The following ZNF692 variants were observed in gnomAD, a reference collection of about 807,000 sequenced individuals.
ZNF692 encodes AICAR responsive element binding protein.
In ZNF692, 41 loss-of-function variants were observed where a neutral mutation model predicts 49.0. The observed-to-expected ratio is 0.84, with a 90% CI of 0.65 to 1.08. The LOEUF is 1.08. Among genes scored for constraint, ZNF692 ranks in the 50% least tolerant of loss-of-function variants. The pLI is 0.00. For missense variants in ZNF692, 662 were observed against 662.2 expected (o/e 1.00, Z 0.00); for synonymous variants, 288 against 251.5 (o/e 1.15, Z -1.37).
Position 248,858,286 on chromosome 1 carries a change from G to A in ZNF692, c.24C>T (p.Asp8=), listed in dbSNP as rs1281623897. 2 of 1,573,652 alleles carry A rather than the reference G, an allele frequency of 1.3e-6. No homozygotes were observed. The highest frequency in any genetic ancestry group is 1.8e-5 in the Admixed American group (1 of 56,080). Residue 8 remains aspartate (D), a synonymous_variant, in exon 2 of 12, where the codon GAC becomes GAT. Transcript: ENST00000306601. This position sits in a 1 kb window ranked among gnomAD's most constrained non-coding sequence, Gnocchi z 4.3. ...GCTTCTCCCGCCGCCTGCAGGACAC[G>A]TCCACCGCCGGGGAGGAAGCCATGT... MASSPAV[D]VSCRRREKRR...
chr1:248,853,079 G>C (rs958606684), intron 10 of ZNF692, among the ~76,000 whole-genome samples: 1 of 152,090 alleles, frequency 6.6e-6, no homozygotes, highest in Admixed American at 6.6e-5. Flanking sequence ...GCTGAGGCTG[G>C]AATCCTCCAA....
Position 248,858,587 on chromosome 1 carries a change from A to G in ZNF692, c.-12-266T>C. 2 of 1,543,968 alleles carry G rather than the reference A, an allele frequency of 1.3e-6. No individual in the cohort carries two copies. Among genetic ancestry groups the G allele is most frequent in the Non-Finnish European group, 1.8e-6 (2 of 1,140,046 alleles). ...AAGGCCTGCGCCCTCCAGTCCACTGAAGTGGAGCTGTGGGGAAGGGGCGAG... is the reference window on the plus strand; with the variant it reads ...AAGGCCTGCGCCCTCCAGTCCACTGGAGTGGAGCTGTGGGGAAGGGGCGAG... On this transcript the variant is annotated intron_variant, in intron 1 of 11. Transcript: ENST00000306601. The surrounding 1 kb of genome is among the most constrained non-coding windows in gnomAD (Gnocchi z 4.3).
Position 248,850,378 on chromosome 1 carries a change from T to C in ZNF692, c.1392A>G (p.Ala464=). ...CTGGGTGACTTTTGCTACGGTGGGC[T>C]GCAACACTGTCTGGCTTCTCAAAGC... ...GKRFEKPDSV[A]AHRSKSHPAL... is the part of the protein sequence containing the mutation. The change falls in exon 12 of 12, where the codon GCA becomes GCG. Residue 464 remains alanine, a synonymous_variant. Coordinates refer to ENST00000306601, the MANE Select transcript of ZNF692 (RefSeq NM_017865.4). 1 of 1,614,124 alleles carries C rather than the reference T, an allele frequency of 6.2e-7. No individual in the cohort carries two copies. Among genetic ancestry groups the C allele is most frequent in the South Asian group, 1.1e-5 (1 of 91,090 alleles).
intron 6 of ZNF692, 55 bp downstream of exon 6, chr1:248,856,233 C>T: frequency 4.6e-6 from 7 of 1,533,908 alleles, no homozygotes; most frequent in Non-Finnish European, 6.1e-6. Flanking sequence ...CATGAACTGC[C>T]AGGCCAGCTG....
rs929320778 is a variant in ZNF692 at position 248,858,959 on chromosome 1, C to T, written c.-54G>A. 5.2e-6 allele frequency: 1 copy of T among 191,158 alleles called. No individual in the cohort carries two copies. Among genetic ancestry groups the T allele is most frequent in the Non-Finnish European group, 1.1e-5 (1 of 90,448 alleles). 11.8% of individuals were successfully genotyped at this position (191,158 alleles called of 1,614,324 possible). A position where few individuals can be genotyped will look rare whatever the true frequency, so the allele number is the denominator to read the frequency against. On this transcript the variant is annotated 5_prime_UTR_variant, in exon 1 of 12. Coordinates refer to ENST00000306601, the MANE Select transcript of ZNF692 (RefSeq NM_017865.4). This position sits in a 1 kb window ranked among gnomAD's most constrained non-coding sequence, Gnocchi z 4.3. ...GCCCTCACCCCCACTGCGCCTGCGC[C>T]TGCGCCTCCCGGGCCTAGCGAGCAG... is the stretch of plus-strand genomic sequence containing the variant.
Position 248,856,359 on chromosome 1 carries a change from C to G in ZNF692, c.588G>C (p.Glu196Asp). The change falls in exon 6 of 12, where the codon GAG becomes GAC. Residue 196 changes from glutamate (E) to aspartate (D), a missense_variant. Coordinates refer to ENST00000306601, the MANE Select transcript of ZNF692 (RefSeq NM_017865.4). Reference sequence around the variant, plus strand: ...TCTCCTCTTCATCCTCATCATTGTCCTCTTCTTCCTCACCCTCTTCCTCTC... The same window carrying G: ...TCTCCTCTTCATCCTCATCATTGTCGTCTTCTTCCTCACCCTCTTCCTCTC... ...PPGEEEGEEE[E>D]DNDEDEEEML... 1 of 1,612,338 alleles carries G rather than the reference C, an allele frequency of 6.2e-7. No individual in the cohort carries two copies. Among genetic ancestry groups the G allele is most frequent in the Non-Finnish European group, 8.5e-7 (1 of 1,178,958 alleles).
In ZNF692 at chr1:248,850,206, G is replaced by C. The variant is rs199725332; in HGVS notation, c.*4C>G. ...GCTTCCCAAAGCCAAAGCTGGAGGA[G>C]AGCTCATTGCTGAGGAAGCAGGGTT... On this transcript the variant is annotated 3_prime_UTR_variant, in exon 12 of 12. Transcript: ENST00000306601. The C allele has an allele frequency of 9.9e-6, 15 of 1,515,500 alleles. No homozygotes were observed. In the Admixed American group the frequency reaches 1.6e-4, roughly 16 times the overall value. 93.9% of individuals were successfully genotyped at this position (1,515,500 alleles called of 1,614,324 possible). A position where few individuals can be genotyped will look rare whatever the true frequency, so the allele number is the denominator to read the frequency against.
At chr1:248,854,078 G>T in intron 9 of ZNF692, 27 bp from the exon 10 acceptor site, 1 of 1,573,552 alleles carries the variant, frequency 6.4e-7, no homozygotes, top group Non-Finnish European at 8.7e-7. Flanking sequence ...GTGGTAGGGA[G>T]AGAAGAGGCA....
rs770117226 is a variant in ZNF692 at position 248,858,164 on chromosome 1, A to G, written c.146T>C (p.Leu49Pro). The change falls in exon 2 of 12, where the codon CTG (leucine) becomes CCG (proline). Residue 49 changes from leucine to proline, a missense_variant. Transcript: ENST00000306601. The surrounding 1 kb of genome is among the most constrained non-coding windows in gnomAD (Gnocchi z 4.3). ...CAGGAACTTGGCGAGCTGCGAGTGC[A>G]GGGAGAAGCCCAGCCGCTCCTTGAG... Reference protein sequence around the residue: ...CLLKERLGFSLHSQLAKFLLD... With the variant: ...CLLKERLGFSPHSQLAKFLLD... The G allele has an allele frequency of 3.4e-5, 54 of 1,573,002 alleles. 1 individual carries two copies. Among genetic ancestry groups the G allele is most frequent in the Non-Finnish European group, 2.4e-5 (28 of 1,160,720 alleles).
At position 248,854,000 on chromosome 1, in the gene ZNF692, G is replaced by C. The variant is rs1160662784; in HGVS notation, c.1090C>G (p.Pro364Ala). Residue 364 changes from proline (P) to alanine (A), a missense_variant, in exon 10 of 12, where the codon CCA (proline) becomes GCA (alanine). Transcript: ENST00000306601. ...AAGTTGAAAGACTTCCCACAGGCTG[G>C]CTCTGGGCAGGAGAAAGACTTCTGG... is the stretch of plus-strand genomic sequence containing the variant. Reference protein sequence around the residue: ...IHQKSFSCPEPACGKSFNFKK... With the variant: ...IHQKSFSCPEAACGKSFNFKK... 2 of 1,614,220 alleles carry C rather than the reference G, an allele frequency of 1.2e-6. No individual in the cohort carries two copies. The highest frequency in any genetic ancestry group is 4.5e-5 in the East Asian group (2 of 44,878).
At chr1:248,852,713 A>G (rs1659739004) in intron 10 of ZNF692, among the ~76,000 whole-genome samples, 1 of 152,028 alleles carries the variant, frequency 6.6e-6, no homozygotes, top group Admixed American at 6.5e-5. Flanking sequence ...CTCAGCTCAC[A>G]TTTGGCCTGT....
At chr1:248,852,831 G>A (rs1659754431) in intron 10 of ZNF692, among the ~76,000 whole-genome samples, 1 of 152,038 alleles carries the variant, frequency 6.6e-6, no homozygotes, top group South Asian at 2.1e-4. Flanking sequence ...GCCCTCTGAT[G>A]GCTAGAGTGC....
Position 248,858,074 on chromosome 1 carries a change from G to A in ZNF692, c.179+57C>T. ...GAGCAGCAGGACAGGCCCTGGAGAG[G>A]AGGCTAGGGGCTGCTGCCTGGGTAC... On this transcript the variant is annotated intron_variant, in intron 2 of 11. Coordinates refer to ENST00000306601, the MANE Select transcript of ZNF692 (RefSeq NM_017865.4). This position sits in a 1 kb window ranked among gnomAD's most constrained non-coding sequence, Gnocchi z 4.3. The A allele has an allele frequency of 1.3e-6, 2 of 1,550,086 alleles. No homozygotes were observed. Among genetic ancestry groups the A allele is most frequent in the Non-Finnish European group, 1.7e-6 (2 of 1,152,358 alleles).
Position 248,850,074 on chromosome 1 carries a change from T to C in ZNF692, c.*136A>G. 1 of 951,178 alleles carries C rather than the reference T, an allele frequency of 1.1e-6. No individual in the cohort carries two copies. The allele number at this position is 951,178 out of a possible 1,614,324, so 58.9% of individuals were successfully genotyped here. A position where few individuals can be genotyped will look rare whatever the true frequency, so the allele number is the denominator to read the frequency against. ...GTAGTCCAGCTCCCCTACAGCCCAG[T>C]CTTGCCCCCACCCTGCACTCTGTCG... On this transcript the variant is annotated 3_prime_UTR_variant, in exon 12 of 12. Coordinates refer to ENST00000306601, the MANE Select transcript of ZNF692 (RefSeq NM_017865.4).
In ZNF692 at chr1:248,855,561, A is replaced by T; in HGVS notation, c.956T>A (p.Ile319Asn). 6.2e-7 allele frequency: 1 copy of T among 1,614,066 alleles called. No homozygotes were observed. The highest frequency in any genetic ancestry group is 1.1e-5 in the South Asian group (1 of 91,074). The part of the protein sequence containing the change: ...EDTAQIGPKR[I>N]RKAAKRELMP... ...ACCCCATCTCCCTAAGTCCTACCTA[A>T]TTCTCTTGGGGCCAATTTGTGCAGT... The change falls in exon 8 of 12, where the codon ATT (isoleucine) becomes AAT (asparagine). Residue 319 changes from isoleucine to asparagine, a missense_variant. By Grantham distance (149) the Ile-to-Asn change is moderately radical. Transcript: ENST00000306601.
At chr1:248,850,878 T>C (rs752287761) in intron 10 of ZNF692, 97 bp from the exon 11 acceptor site, 1 of 1,081,284 alleles carries the variant, frequency 9.2e-7, no homozygotes, top group Non-Finnish European at 1.4e-6. Flanking sequence ...TGCACCGTAT[T>C]GGAGGTCAGG....
At chr1:248,850,559 C>T in intron 11 of ZNF692, 43 bp from the exon 12 acceptor site, 1 of 1,590,646 alleles carries the variant, frequency 6.3e-7, no homozygotes, top group South Asian at 1.1e-5. Context: ...GGCCTCAGGC[C>T]ATCATGACTT....
At position 248,856,317 on chromosome 1, in the gene ZNF692, G is replaced by T; in HGVS notation, c.630C>A (p.Ser210Arg). Reference protein sequence around the residue: ...EDEEEMLSDASLWTYSSSPDD... With the variant: ...EDEEEMLSDARLWTYSSSPDD... ...CTGGGGAGGAGCTGTAGGTCCATAA[G>T]CTGGCATCACTGAGCATCTCCTCTT... The change falls in exon 6 of 12, where the codon AGC (serine) becomes AGA (arginine). Residue 210 changes from serine (S) to arginine (R), a missense_variant. Physicochemically the swap from Ser to Arg is moderately radical, Grantham distance 110 (BLOSUM62 -1). Coordinates refer to ENST00000306601, the MANE Select transcript of ZNF692 (RefSeq NM_017865.4). 6.2e-7 allele frequency: 1 copy of T among 1,604,670 alleles called. No homozygotes were observed. The highest frequency in any genetic ancestry group is 1.1e-5 in the South Asian group (1 of 89,214).
intron 6 of ZNF692, 159 bp downstream of exon 6, chr1:248,856,129 A>T: frequency 1.5e-6 from 2 of 1,300,496 alleles, no homozygotes; most frequent in South Asian, 3.0e-5. Context: ...ACCCCTTTTC[A>T]CCCCCTCAGT....
Sources: allele counts gnomAD v4.1 joint callset (sites outside exome capture counted in the v4.1 genomes callset), GRCh38; gene constraint gnomAD v4.1.1; non-coding constraint Gnocchi (gnomAD v3.1); transcripts MANE v1.5; gene names NCBI Gene and HGNC (gene_info 2026-07-23, HGNC 2026-07-21).